USP34: variants seen among roughly 807,000 people sequenced by gnomAD.
USP34 encodes ubiquitin carboxyl-terminal hydrolase 34.
A neutral mutation model predicts 460.3 loss-of-function variants in USP34; 70 were observed. The observed-to-expected ratio is 0.15, with a 90% CI of 0.13 to 0.19. The LOEUF (loss-of-function observed/expected upper bound fraction) is 0.19. USP34 is among the 10% of genes least tolerant of loss of function. USP34 has a pLI of 1.00. For synonymous variants in USP34, 1,647 were observed against 1,405.3 expected, an observed-to-expected ratio of 1.17 and a Z score of -3.85; for missense variants, 3,985 against 4,236.2, an observed-to-expected ratio of 0.94 and a Z score of 1.65.
chr2:61,241,333 C>T lies in USP34; in HGVS notation c.6777+227G>A, dbSNP rs185030944. 4.5e-3 allele frequency among the ~76,000 whole-genome samples: 685 copies of T among 152,306 alleles called. 1 individual carries two copies. The highest frequency in any genetic ancestry group is 7.5e-3 in the Non-Finnish European group (508 of 68,026). On this transcript the variant is annotated intron_variant, in intron 53 of 79. Transcript: ENST00000398571. The stretch of plus-strand genomic sequence containing the variant: ...CTGAGATTACAGGCATGAATCACCA[C>T]ACCCAGTCGCCTACTCTCTTTTAGT...
At chr2:61,394,754 CA>C (rs770947845) in intron 5 of USP34, 98 bp downstream of exon 5, 1 of 944,008 alleles carries the variant, frequency 1.1e-6, no homozygotes, top group Non-Finnish European at 1.4e-6. Context: ...ATTACACATG[CA>C]AATCATTCAA....
rs35610519 is a variant in USP34, at chr2:61,445,534, C to CA, written c.44-24702dup. ...TGGGCAACAGATCGAGACTCCGTCT[C>CA]AAAAAAAAAAAAAAAAAATTGCTAA... On this transcript the variant is annotated intron_variant, in intron 1 of 79. Coordinates refer to ENST00000398571, the MANE Select transcript of USP34 (RefSeq NM_014709.4). Among the ~76,000 whole-genome samples the CA allele has an allele frequency of 8.3e-3, 897 of 107,766 alleles. 12 individuals are homozygous for CA. Among genetic ancestry groups the CA allele is most frequent in the African/African-American group, 0.025 (717 of 28,574 alleles). 70.7% of individuals were successfully genotyped at this position (107,766 alleles called of 152,430 possible). A position where few individuals can be genotyped will look rare whatever the true frequency, so the allele number is the denominator to read the frequency against.
chr2:61,205,375 T>C (rs1403258711), intron 72 of USP34, among the ~76,000 whole-genome samples: 3 of 152,186 alleles, frequency 2.0e-5, no homozygotes, highest in Non-Finnish European at 2.9e-5. Context: ...AGGTTACTGC[T>C]TGTGTGCCCT....
intron 26 of USP34, 21 bp downstream of exon 26, chr2:61,311,763 A>G: frequency 1.9e-6 from 3 of 1,611,000 alleles, no homozygotes; most frequent in Non-Finnish European, 2.5e-6. Flanking sequence ...ATCAACTTCG[A>G]AATTAAAACT....
intron 3 of USP34, among the ~76,000 whole-genome samples, chr2:61,397,555 CAGG>C (rs1693574259): frequency 6.6e-6 from 1 of 152,072 alleles, no homozygotes; most frequent in African/African-American, 2.4e-5. Flanking sequence ...CACTTGAGGT[CAGG>C]AGTTCAAAAC....
At chr2:61,396,735 G>A (rs1050308696) in intron 3 of USP34, among the ~76,000 whole-genome samples, 5 of 151,938 alleles carry the variant, frequency 3.3e-5, no homozygotes, top group African/African-American at 9.7e-5. Context: ...TGATCCACCC[G>A]CCTCGGCCTC....
chr2:61,449,152 TGGAGGGACG>T (rs70963431), intron 1 of USP34, among the ~76,000 whole-genome samples: 70,638 of 150,188 alleles, frequency 0.47, 16,834 homozygotes, highest in Middle Eastern at 0.53. Flanking sequence ...AAGGAGGGAA[TGGAGGGACG>T]GGAGGGACAG....
In USP34 at chr2:61,187,984, G is replaced by T; in HGVS notation, c.*118C>A. 6.8e-7 allele frequency: 1 copy of T among 1,472,216 alleles called. No individual in the cohort carries two copies. Among genetic ancestry groups the T allele is most frequent in the Non-Finnish European group, 9.0e-7 (1 of 1,112,432 alleles). The allele number at this position is 1,472,216 out of a possible 1,614,324, so 91.2% of individuals were successfully genotyped here. On this transcript the variant is annotated 3_prime_UTR_variant, in exon 80 of 80. Transcript: ENST00000398571. Reference sequence around the variant, plus strand: ...AGAATTAAGCCTATAAATCTATCTTGCCATTCAAGCAGAGAGCACTGGACA... The same window carrying T: ...AGAATTAAGCCTATAAATCTATCTTTCCATTCAAGCAGAGAGCACTGGACA...
In USP34 at chr2:61,314,753, C is replaced by A; in HGVS notation, c.3383-9G>T. 3 of 1,573,686 alleles carry A rather than the reference C, an allele frequency of 1.9e-6. No individual in the cohort carries two copies. Among genetic ancestry groups the A allele is most frequent in the Non-Finnish European group, 2.6e-6 (3 of 1,164,886 alleles). ...CTCCAAACCTGTTTTACCTGAAAGC[C>A]AAATGTTTAGACACATATATTAGCC... On this transcript the variant is annotated splice_polypyrimidine_tract_variant and intron_variant, in intron 24 of 79. Coordinates refer to ENST00000398571, the MANE Select transcript of USP34 (RefSeq NM_014709.4).
intron 75 of USP34, among the ~76,000 whole-genome samples, chr2:61,195,161 A>T (rs1686761490): frequency 6.6e-6 from 1 of 151,984 alleles, no homozygotes; most frequent in Non-Finnish European, 1.5e-5. Flanking sequence ...CAGAGGTTGC[A>T]GTAAGCCAAG....
At chr2:61,194,470 G>C (rs1686736941) in intron 75 of USP34, among the ~76,000 whole-genome samples, 1 of 152,210 alleles carries the variant, frequency 6.6e-6, no homozygotes, top group Non-Finnish European at 1.5e-5. Flanking sequence ...CCCATGGCCT[G>C]TTTTTATATG....
chr2:61,264,014 G>A (rs1230802278), intron 43 of USP34, among the ~76,000 whole-genome samples: 1 of 152,104 alleles, frequency 6.6e-6, no homozygotes, highest in African/African-American at 2.4e-5. Flanking sequence ...GTAAAACCAA[G>A]AAGCATGACC....
chr2:61,195,723 C>G (rs1270968938), intron 75 of USP34, among the ~76,000 whole-genome samples: 4 of 151,980 alleles, frequency 2.6e-5, no homozygotes, highest in Non-Finnish European at 5.9e-5. Context: ...GTTACAGAGA[C>G]CTTGTGGCCT....
At chr2:61,296,999 A>C (rs78257503) in intron 29 of USP34, 74 bp from the exon 30 acceptor site, 1 of 1,486,820 alleles carries the variant, frequency 6.7e-7, no homozygotes, top group South Asian at 1.4e-5. Flanking sequence ...ATTTTTGCAT[A>C]AAGTAATGAT....
In USP34 at chr2:61,293,503, A is replaced by G. The variant is rs750587735; in HGVS notation, c.4509T>C (p.Ser1503=). The change falls in exon 33 of 80, where the codon TCT becomes TCC. Residue 1503 remains serine (S), a synonymous_variant. Transcript: ENST00000398571. ...GLQQLLEIFN[S]GILEPKEQES... is the part of the protein sequence containing the mutation. Reference sequence around the variant, plus strand: ...CCTGCTCTTTAGGCTCTAGAATTCCAGAATTAAAAATTTCTAATAACTGTT... The same window carrying G: ...CCTGCTCTTTAGGCTCTAGAATTCCGGAATTAAAAATTTCTAATAACTGTT... 2.5e-6 allele frequency: 4 copies of G among 1,612,962 alleles called. No individual in the cohort carries two copies. The highest frequency in any genetic ancestry group is 3.4e-6 in the Non-Finnish European group (4 of 1,179,416).
chr2:61,190,189 G>T (rs549459447), intron 78 of USP34, 82 bp downstream of exon 78: 3 of 1,493,664 alleles, frequency 2.0e-6, no homozygotes, highest in Non-Finnish European at 1.8e-6. Flanking sequence ...TTAAAGTTAC[G>T]AGAGTAAAAT....
intron 8 of USP34, among the ~76,000 whole-genome samples, chr2:61,371,730 A>G (rs1692635485): frequency 6.6e-6 from 1 of 152,070 alleles, no homozygotes; most frequent in Non-Finnish European, 1.5e-5. Context: ...CTCAGCGATC[A>G]CTCACCAACT....
At chr2:61,375,395 A>G (rs1469310882) in intron 8 of USP34, among the ~76,000 whole-genome samples, 1 of 152,236 alleles carries the variant, frequency 6.6e-6, no homozygotes, top group East Asian at 1.9e-4. Context: ...AATCCTAAGT[A>G]TCTACCATGA....
intron 8 of USP34, among the ~76,000 whole-genome samples, chr2:61,375,894 G>C (rs1318633620): frequency 6.6e-6 from 1 of 151,236 alleles, no homozygotes; most frequent in East Asian, 1.9e-4. Flanking sequence ...AAAGTACAGA[G>C]ACAAACTACA....
Sources: allele counts gnomAD v4.1 joint callset (sites outside exome capture counted in the v4.1 genomes callset), GRCh38; gene constraint gnomAD v4.1.1; transcripts MANE v1.5; gene names NCBI Gene and HGNC (gene_info 2026-07-23, HGNC 2026-07-21).